Variants in RPS6KC1 observed in about 807,000 individuals in gnomAD.
The protein encoded by RPS6KC1 is ribosomal protein S6 kinase C1, also known as inactive ribosomal protein S6 kinase delta-1.
Under a neutral mutation model 103.8 loss-of-function variants are expected in RPS6KC1, and 54 were observed. The ratio of observed to expected loss-of-function variants is 0.52; its 90% CI spans 0.42 to 0.65. The LOEUF is 0.65. RPS6KC1 is among the 30% of genes least tolerant of loss of function. The probability of loss-of-function intolerance (pLI) is 0.00; values close to 1 mark genes in which losing one functional copy is unlikely to be tolerated. For missense variants in RPS6KC1, 1,151 were observed against 1,253.8 expected (o/e 0.92, Z 1.24); for synonymous variants, 439 against 438.7 (o/e 1.00, Z -0.01).
At chr1:213,488,282 T>C in the RPS6KC1 span, among the ~76,000 whole-genome samples, 4 of 152,218 alleles carry the variant, frequency 2.6e-5, no homozygotes, top group African/African-American at 9.6e-5. Context: ...AGCTGAACTG[T>C]CTACAACATA....
the RPS6KC1 span, among the ~76,000 whole-genome samples, chr1:213,453,342 TTA>T: frequency 3.9e-5 from 6 of 151,946 alleles, no homozygotes. Flanking sequence ...CCACAGACAC[TTA>T]TGAGTGTGGT....
the RPS6KC1 span, among the ~76,000 whole-genome samples, chr1:213,759,137 G>A: frequency 6.6e-6 from 1 of 152,114 alleles, no homozygotes; most frequent in African/African-American, 2.4e-5. Flanking sequence ...CCACCACCCT[G>A]ATCAGTCAGC....
intron 6 of RPS6KC1, among the ~76,000 whole-genome samples, chr1:213,137,020 C>T (rs1464229513): frequency 9.2e-5 from 14 of 152,170 alleles, no homozygotes; most frequent in Admixed American, 8.5e-4. Flanking sequence ...ATTCCCATTC[C>T]TTACAAGGGC....
At chr1:213,205,562 A>ATATATATATATATATATATATT (rs1254542240) in intron 8 of RPS6KC1, among the ~76,000 whole-genome samples, 2 of 139,862 alleles carry the variant, frequency 1.4e-5, no homozygotes, top group Non-Finnish European at 3.1e-5. Context: ...ATATATATAT[A>ATATATATATATATATATATATT]TATATTTCAA....
intron 3 of RPS6KC1, among the ~76,000 whole-genome samples, chr1:213,101,824 A>G (rs1454257182): frequency 2.6e-5 from 4 of 152,198 alleles, no homozygotes; most frequent in African/African-American, 9.6e-5. Context: ...TTGGACTATA[A>G]TCATAAGCAC....
chr1:213,345,252 C>T, the RPS6KC1 span, among the ~76,000 whole-genome samples: 10 of 152,278 alleles, frequency 6.6e-5, no homozygotes, highest in African/African-American at 1.9e-4. Context: ...CTACCAGCAT[C>T]GTAAAAATGT....
chr1:213,400,085 A>G, the RPS6KC1 span, among the ~76,000 whole-genome samples: 3 of 152,166 alleles, frequency 2.0e-5, no homozygotes, highest in Non-Finnish European at 2.9e-5. Flanking sequence ...GCGGGGCTGC[A>G]TAACCAGAAC....
intron 8 of RPS6KC1, among the ~76,000 whole-genome samples, chr1:213,202,639 A>G (rs1023392858): frequency 5.5e-5 from 8 of 146,616 alleles, no homozygotes; most frequent in Middle Eastern, 3.6e-3. Flanking sequence ...CCAACAAACA[A>G]AAACAAAAAA....
chr1:213,521,886 G>A, the RPS6KC1 span, among the ~76,000 whole-genome samples: 1 of 152,088 alleles, frequency 6.6e-6, no homozygotes, highest in African/African-American at 2.4e-5. Flanking sequence ...CTGACGTTGC[G>A]AGTCCCTTAA....
At chr1:213,723,943 T>C in the RPS6KC1 span, among the ~76,000 whole-genome samples, 1 of 148,980 alleles carries the variant, frequency 6.7e-6, no homozygotes, top group Non-Finnish European at 1.5e-5. Flanking sequence ...GGTTGGGGGG[T>C]TGGGGGGGAC....
intron 8 of RPS6KC1, among the ~76,000 whole-genome samples, chr1:213,195,855 T>TAC (rs1257324299): frequency 2.0e-5 from 3 of 151,902 alleles, no homozygotes; most frequent in African/African-American, 7.3e-5. Context: ...TGTATATATA[T>TAC]ACCATATTTT....
At chr1:213,228,671 G>T (rs1268294036) in intron 8 of RPS6KC1, among the ~76,000 whole-genome samples, 1 of 152,132 alleles carries the variant, frequency 6.6e-6, no homozygotes, top group Admixed American at 6.6e-5. Flanking sequence ...GCTGCAGTGA[G>T]CTAAAAATCA....
chr1:213,157,247 C>T (rs1171871246), intron 6 of RPS6KC1, among the ~76,000 whole-genome samples: 4 of 151,122 alleles, frequency 2.6e-5, no homozygotes, highest in Non-Finnish European at 5.9e-5. Context: ...AGAGTCTTGC[C>T]CTGTTGCCCA....
At chr1:213,122,811 C>A (rs1473151752) in intron 5 of RPS6KC1, among the ~76,000 whole-genome samples, 2 of 152,082 alleles carry the variant, frequency 1.3e-5, no homozygotes, top group South Asian at 2.1e-4. Context: ...TCCCTGCCCC[C>A]AGTTGAATTT....
chr1:213,068,568 G>A (rs1228374493), intron 1 of RPS6KC1, among the ~76,000 whole-genome samples: 3 of 150,568 alleles, frequency 2.0e-5, no homozygotes, highest in Non-Finnish European at 4.4e-5. Flanking sequence ...CTTTTGGAAA[G>A]GTGTGTGAGG....
At chr1:213,176,317 TTTGGC>T (rs2091865502) in intron 7 of RPS6KC1, 78 bp from the exon 8 acceptor site, 2 of 742,702 alleles carry the variant, frequency 2.7e-6, no homozygotes. Flanking sequence ...TTTACTTTCC[TTTGGC>T]CTGGCATTTG....
the RPS6KC1 span, among the ~76,000 whole-genome samples, chr1:213,450,178 A>C: frequency 5.9e-5 from 9 of 152,214 alleles, no homozygotes; most frequent in Non-Finnish European, 8.8e-5. Context: ...CCTGGTATGT[A>C]GAAAGAACTC....
intron 6 of RPS6KC1, among the ~76,000 whole-genome samples, chr1:213,162,509 C>T (rs945921284): frequency 6.6e-6 from 1 of 152,088 alleles, no homozygotes; most frequent in Non-Finnish European, 1.5e-5. Context: ...TCTCAAACTC[C>T]TGGGCTCAAG....
the RPS6KC1 span, among the ~76,000 whole-genome samples, chr1:213,532,282 T>C: frequency 6.6e-6 from 1 of 152,164 alleles, no homozygotes; most frequent in Non-Finnish European, 1.5e-5. Flanking sequence ...GGTGAGGGTT[T>C]GATTTCCAAC....
Sources: allele counts gnomAD v4.1 joint callset (sites outside exome capture counted in the v4.1 genomes callset), GRCh38; gene constraint gnomAD v4.1.1; transcripts MANE v1.5; gene names NCBI Gene and HGNC (gene_info 2026-07-23, HGNC 2026-07-21).